Variants in EFCAB13 observed in about 807,000 individuals in gnomAD.
EFCAB13 encodes EF-hand calcium binding domain 13, also known as EF-hand calcium-binding domain-containing protein 13.
Under a neutral mutation model 110.2 loss-of-function variants are expected in EFCAB13, and 91 were observed. The observed-to-expected ratio is 0.83, with a 90% CI of 0.70 to 0.98. The LOEUF (loss-of-function observed/expected upper bound fraction) is 0.98. EFCAB13 is among the 50% of genes least tolerant of loss of function. The probability of loss-of-function intolerance (pLI) is 0.00; values close to 1 mark genes in which losing one functional copy is unlikely to be tolerated. For synonymous variants in EFCAB13, 323 were observed against 369.9 expected, an observed-to-expected ratio of 0.87 and a Z score of 1.45; for missense variants, 968 against 1,119.4, an observed-to-expected ratio of 0.86 and a Z score of 1.93.
intron 22 of EFCAB13, among the ~76,000 whole-genome samples, chr17:47,413,381 T>C (rs1176777586): frequency 6.6e-6 from 1 of 152,232 alleles, no homozygotes; most frequent in African/African-American, 2.4e-5. Context: ...GTTTTCTGTC[T>C]TTGACTTCAT....
At chr17:47,386,850 G>A (rs963284053) in intron 14 of EFCAB13, among the ~76,000 whole-genome samples, 4 of 152,130 alleles carry the variant, frequency 2.6e-5, no homozygotes, top group African/African-American at 9.7e-5. Context: ...AGTCTCTCAA[G>A]GCTTCCCTTG....
At chr17:47,388,831 T>C (rs2065690503) in intron 14 of EFCAB13, among the ~76,000 whole-genome samples, 1 of 152,200 alleles carries the variant, frequency 6.6e-6, no homozygotes, top group Non-Finnish European at 1.5e-5. Flanking sequence ...CTGTCAAAAC[T>C]GTTTTCCAAA....
intron 3 of EFCAB13, among the ~76,000 whole-genome samples, chr17:47,326,959 GA>G (rs1351768310): frequency 6.6e-6 from 1 of 152,078 alleles, no homozygotes; most frequent in African/African-American, 2.4e-5. Flanking sequence ...AACTTTACAA[GA>G]AAAAGACTGA....
At chr17:47,344,124 C>G (rs900977510) in intron 6 of EFCAB13, 38 bp from the exon 7 acceptor site, 1 of 1,592,392 alleles carries the variant, frequency 6.3e-7, no homozygotes, top group Admixed American at 1.7e-5. Context: ...ACCAGTGTCA[C>G]TCACCTCAGG....
At chr17:47,420,185 G>C (rs1239973200) in intron 23 of EFCAB13, among the ~76,000 whole-genome samples, 1 of 152,256 alleles carries the variant, frequency 6.6e-6, no homozygotes. Context: ...CCTAACGTGA[G>C]TGATCCGCCA....
intron 14 of EFCAB13, among the ~76,000 whole-genome samples, chr17:47,386,876 C>T: frequency 6.6e-6 from 1 of 151,752 alleles, no homozygotes; most frequent in South Asian, 2.1e-4. Flanking sequence ...GGGAGGGAGC[C>T]CTCCCACCCC....
chr17:47,334,855 C>T (rs1238426956), intron 4 of EFCAB13, among the ~76,000 whole-genome samples: 1 of 152,110 alleles, frequency 6.6e-6, no homozygotes, highest in Non-Finnish European at 1.5e-5. Context: ...GTCAAGGCTG[C>T]AGTGAGCCAT....
chr17:47,398,329 C>G (rs1386209000), intron 17 of EFCAB13, among the ~76,000 whole-genome samples: 1 of 150,660 alleles, frequency 6.6e-6, no homozygotes, highest in African/African-American at 2.4e-5. Context: ...TGAGGAGCCC[C>G]TCTGCCCGGC....
At chr17:47,339,783 G>A (rs2065373447) in intron 5 of EFCAB13, 1 of 151,358 alleles carries the variant, frequency 6.6e-6, no homozygotes, top group Non-Finnish European at 1.5e-5. Flanking sequence ...TAAGAAAGAA[G>A]AATGTTGATT....
chr17:47,355,760 A>G (rs773538992), intron 9 of EFCAB13, among the ~76,000 whole-genome samples: 1 of 151,724 alleles, frequency 6.6e-6, no homozygotes, highest in Non-Finnish European at 1.5e-5. Flanking sequence ...TTTAGTAGAG[A>G]CGGGGTTTCA....
At chr17:47,358,161 G>A (rs2065491540) in intron 9 of EFCAB13, among the ~76,000 whole-genome samples, 1 of 152,122 alleles carries the variant, frequency 6.6e-6, no homozygotes, top group Non-Finnish European at 1.5e-5. Context: ...ATACTGACCT[G>A]AGAATTCTTT....
At chr17:47,377,693 A>G in intron 12 of EFCAB13, 73 bp from the exon 13 acceptor site, 1 of 1,327,506 alleles carries the variant, frequency 7.5e-7, no homozygotes, top group Non-Finnish European at 1.0e-6. Context: ...CTAATTTCTA[A>G]AGATTTTGAG....
intron 23 of EFCAB13, among the ~76,000 whole-genome samples, chr17:47,421,031 GC>G (rs1428784616): frequency 1.3e-5 from 2 of 148,866 alleles, no homozygotes; most frequent in South Asian, 2.1e-4. Flanking sequence ...GGGGGGGTCA[GC>G]CCCCCGCCCG....
rs536233590 is a variant in EFCAB13, at chr17:47,398,130, C to T, written c.1945+2153C>T. ...GGGAGGTGGGGGGGTCAGCCCCCCC[C>T]TGGCCAGCCACCCCGTCTGGGAGGT... is the stretch of plus-strand genomic sequence containing the variant. On this transcript the variant is annotated intron_variant, in intron 17 of 24. Coordinates refer to ENST00000331493, the MANE Select transcript of EFCAB13 (RefSeq NM_152347.5). Among the ~76,000 whole-genome samples, 1,034 of 148,926 alleles carry T rather than the reference C, an allele frequency of 6.9e-3. 19 individuals are homozygous for T. Among genetic ancestry groups the T allele is most frequent in the African/African-American group, 0.024 (981 of 40,380 alleles).
At chr17:47,397,289 C>T (rs1449034364) in intron 17 of EFCAB13, among the ~76,000 whole-genome samples, 7 of 152,208 alleles carry the variant, frequency 4.6e-5, no homozygotes, top group Non-Finnish European at 7.3e-5. Context: ...GCCGGGATTG[C>T]AGACGGAGTC....
chr17:47,410,180 G>A (rs2065827266), intron 21 of EFCAB13, among the ~76,000 whole-genome samples: 1 of 152,098 alleles, frequency 6.6e-6, no homozygotes, highest in Non-Finnish European at 1.5e-5. Flanking sequence ...AGGTCAAGAG[G>A]CCCACATCTA....
intron 9 of EFCAB13, 72 bp from the exon 10 acceptor site, chr17:47,361,306 A>C: frequency 6.9e-7 from 1 of 1,457,934 alleles, no homozygotes; most frequent in South Asian, 1.2e-5. Context: ...TTAGTAGGCT[A>C]TTGACACAAA....
Position 47,414,239 on chromosome 17 carries a change from A to ATGTG in EFCAB13, c.2423-600_2423-597dup, listed in dbSNP as rs34673520. ...CACCTTACTTCACTTGTGACTGTGT[A>ATGTG]TGTGTGTGTGTGCACGTGCGTGTGT... On this transcript the variant is annotated intron_variant, in intron 22 of 24. Transcript: ENST00000331493. 3.2e-3 allele frequency among the ~76,000 whole-genome samples: 485 copies of ATGTG among 151,494 alleles called. 3 individuals carry two copies. The highest frequency in any genetic ancestry group is 0.011 in the African/African-American group (466 of 41,306).
At chr17:47,347,161 A>G (rs1456702364) in intron 8 of EFCAB13, among the ~76,000 whole-genome samples, 1 of 152,094 alleles carries the variant, frequency 6.6e-6, no homozygotes, top group Non-Finnish European at 1.5e-5. Flanking sequence ...TAGCTACTGG[A>G]GAGGCTGAGG....
Sources: gnomAD v4.1 joint callset for allele counts (sites outside exome capture counted in the v4.1 genomes callset) on GRCh38, gnomAD v4.1.1 for gene constraint, MANE v1.5 for transcripts, NCBI Gene and HGNC (gene_info 2026-07-23, HGNC 2026-07-21) for gene names.